SGCD: variants seen among roughly 807,000 people sequenced by gnomAD.
The protein encoded by SGCD is delta-sarcoglycan.
Under a neutral mutation model 36.6 loss-of-function variants are expected in SGCD, and 18 were observed. The observed-to-expected ratio is 0.49, with a 90% CI of 0.34 to 0.73. SGCD has a LOEUF of 0.73. SGCD is among the 30% of genes least tolerant of loss of function. The pLI is 0.01. For synonymous variants in SGCD, 133 were observed against 130.6 expected, an observed-to-expected ratio of 1.02 and a Z score of -0.12; for missense variants, 387 against 346.7, an observed-to-expected ratio of 1.12 and a Z score of -0.92.
intron 1 of SGCD, among the ~76,000 whole-genome samples, chr5:155,893,929 C>A (rs1308318849): frequency 6.6e-6 from 1 of 152,132 alleles, no homozygotes; most frequent in East Asian, 1.9e-4. Flanking sequence ...ATACTTCAGG[C>A]AATTGTAACA....
At chr5:155,912,846 C>T (rs1756659171) in intron 1 of SGCD, among the ~76,000 whole-genome samples, 1 of 151,484 alleles carries the variant, frequency 6.6e-6, no homozygotes, top group Non-Finnish European at 1.5e-5. Context: ...TTCTTATCTT[C>T]TTAATTACTT....
rs558093663 is a variant in SGCD at position 156,759,912 on chromosome 5, G to A, written c.*522G>A. ...TTCCTGTTTTAGCTTTAGTAAGGCT[G>A]GCTAACTTCCCCCTCTTCAAGCTAG... is the stretch of plus-strand genomic sequence containing the variant. On this transcript the variant is annotated 3_prime_UTR_variant, in exon 9 of 9. Coordinates refer to ENST00000337851, the MANE Select transcript of SGCD (RefSeq NM_000337.6). 1 of 152,218 alleles carries A rather than the reference G, an allele frequency of 6.6e-6. No individual in the cohort carries two copies. The highest frequency in any genetic ancestry group is 2.1e-4 in the South Asian group (1 of 4,818). 9.4% of individuals were successfully genotyped at this position (152,218 alleles called of 1,614,324 possible).
chr5:156,089,813 G>T (rs1465793521), intron 1 of SGCD, among the ~76,000 whole-genome samples: 1 of 152,148 alleles, frequency 6.6e-6, no homozygotes, highest in East Asian at 1.9e-4. Flanking sequence ...GTCCATATTA[G>T]GTTGGCAAGA....
At chr5:156,422,676 T>G (rs1773370145) in intron 3 of SGCD, among the ~76,000 whole-genome samples, 1 of 152,048 alleles carries the variant, frequency 6.6e-6, no homozygotes, top group African/African-American at 2.4e-5. Flanking sequence ...TTTTGACATT[T>G]TGGGCTAGGT....
At chr5:156,605,869 A>G (rs921021635) in intron 6 of SGCD, among the ~76,000 whole-genome samples, 9 of 152,164 alleles carry the variant, frequency 5.9e-5, no homozygotes, top group Non-Finnish European at 1.2e-4. Context: ...GTCTGTTCAT[A>G]TCCTTCACCC....
intron 3 of SGCD, among the ~76,000 whole-genome samples, chr5:156,348,861 G>C (rs1482894924): frequency 1.3e-5 from 2 of 152,028 alleles, no homozygotes; most frequent in Non-Finnish European, 2.9e-5. Flanking sequence ...ATACTACAAG[G>C]CTATAGTAAC....
At position 156,354,195 on chromosome 5, in the gene SGCD, AGTTAGAGGGCACTG is replaced by A. The variant is rs551985682; in HGVS notation, c.192+9520_192+9533del. 2.8e-4 allele frequency among the ~76,000 whole-genome samples: 42 copies of A among 152,352 alleles called. No individual in the cohort carries two copies. In the South Asian group the frequency reaches 8.3e-3, roughly 30 times the overall value. ...GTTGCGGAAAGAATAAATTAGCTAA[AGTTAGAGGGCACTG>A]GAAGGCTTCTTGAGTTGTGTCACCA... On this transcript the variant is annotated intron_variant, in intron 3 of 8. Transcript: ENST00000337851.
intron 1 of SGCD, among the ~76,000 whole-genome samples, chr5:155,953,191 T>C (rs1757578162): frequency 6.6e-6 from 1 of 152,164 alleles, no homozygotes; most frequent in African/African-American, 2.4e-5. Flanking sequence ...GTTCCCTTTT[T>C]ACTTCCTGCC....
chr5:156,342,874 G>A (rs1225481822), intron 2 of SGCD, among the ~76,000 whole-genome samples: 1 of 152,194 alleles, frequency 6.6e-6, no homozygotes, highest in African/African-American at 2.4e-5. Context: ...TATGCATTCT[G>A]TTTTCCATTC....
intron 7 of SGCD, among the ~76,000 whole-genome samples, chr5:156,672,962 C>T (rs768330020): frequency 6.6e-6 from 1 of 152,178 alleles, no homozygotes; most frequent in Non-Finnish European, 1.5e-5. Flanking sequence ...AACCTAAGGA[C>T]ATCTTTCTTG....
At chr5:156,474,865 T>C (rs2135030) in intron 3 of SGCD, among the ~76,000 whole-genome samples, 67,403 of 151,902 alleles carry the variant, frequency 0.44, 15,045 homozygotes, top group Middle Eastern at 0.67. Context: ...CACTTCCTAG[T>C]TCTTGGACCT....
intron 3 of SGCD, among the ~76,000 whole-genome samples, chr5:156,484,633 G>C (rs185058066): frequency 1.6e-4 from 24 of 152,192 alleles, no homozygotes; most frequent in Non-Finnish European, 2.9e-5. Flanking sequence ...CTCGGAAATG[G>C]CTTTTTTGTA....
chr5:156,582,785 A>G (rs1760326587), intron 4 of SGCD, among the ~76,000 whole-genome samples: 1 of 152,176 alleles, frequency 6.6e-6, no homozygotes, highest in African/African-American at 2.4e-5. Flanking sequence ...ACACACACAG[A>G]CGCACACAGG....
intron 1 of SGCD, among the ~76,000 whole-genome samples, chr5:156,019,746 C>T (rs1759058266): frequency 6.6e-6 from 1 of 152,222 alleles, no homozygotes; most frequent in Admixed American, 6.5e-5. Context: ...TTTGCTCCCT[C>T]CACTCTTTGC....
At chr5:155,918,970 A>G (rs1392879596) in intron 1 of SGCD, among the ~76,000 whole-genome samples, 1 of 152,250 alleles carries the variant, frequency 6.6e-6, no homozygotes, top group African/African-American at 2.4e-5. Context: ...TGGTTCCTGC[A>G]AAAAGCTTCC....
At chr5:155,870,506 A>C (rs1755611176) in intron 1 of SGCD, 1 of 152,220 alleles carries the variant, frequency 6.6e-6, no homozygotes, top group Admixed American at 6.5e-5. Flanking sequence ...CTAGTTAATA[A>C]ACATGGCTTG....
intron 3 of SGCD, among the ~76,000 whole-genome samples, chr5:156,377,508 A>G (rs1324291666): frequency 6.6e-6 from 1 of 152,212 alleles, no homozygotes; most frequent in African/African-American, 2.4e-5. Context: ...AAATAATGTT[A>G]AGCTCCATGA....
chr5:156,748,838 C>A lies in SGCD; in HGVS notation c.576-8743C>A, dbSNP rs565443315. 2.3e-3 allele frequency among the ~76,000 whole-genome samples: 353 copies of A among 152,122 alleles called. 1 individual carries two copies. The highest frequency in any genetic ancestry group is 4.1e-3 in the Non-Finnish European group (279 of 67,982). The stretch of plus-strand genomic sequence containing the variant: ...GATGGAGTCTCGCTCTGTTGCCCAG[C>A]CTGGAGTGCAGTGGTGTGATTTCAG... On this transcript the variant is annotated intron_variant, in intron 7 of 8. Coordinates refer to ENST00000337851, the MANE Select transcript of SGCD (RefSeq NM_000337.6).
intron 1 of SGCD, among the ~76,000 whole-genome samples, chr5:155,915,013 A>G (rs1756707400): frequency 6.6e-6 from 1 of 152,208 alleles, no homozygotes; most frequent in Non-Finnish European, 1.5e-5. Context: ...AGGGTGATAA[A>G]ATAATATTGG....
Sources: allele counts gnomAD v4.1 joint callset (sites outside exome capture counted in the v4.1 genomes callset), GRCh38; gene constraint gnomAD v4.1.1; transcripts MANE v1.5; gene names NCBI Gene and HGNC (gene_info 2026-07-23, HGNC 2026-07-21).